The following POTEJ variants were observed in gnomAD, a reference collection of about 807,000 sequenced individuals.
POTEJ encodes POTE ankyrin domain family, member J.
Under a neutral mutation model 69.0 loss-of-function variants are expected in POTEJ, and 11 were observed. That is an observed-to-expected ratio of 0.16 (90% CI 0.10 to 0.26). The LOEUF (loss-of-function observed/expected upper bound fraction) is 0.26. Ranked by LOEUF, POTEJ falls within the 10% of genes least tolerant of loss-of-function variation. The pLI, the probability that POTEJ is intolerant of heterozygous loss-of-function variation, is 1.00. For synonymous variants in POTEJ, 117 were observed against 381.1 expected, an observed-to-expected ratio of 0.31 and a Z score of 8.07; for missense variants, 327 against 1,045.5, an observed-to-expected ratio of 0.31 and a Z score of 9.48.
chr2:130,612,355 A>G (rs1319464498), intron 1 of POTEJ, among the ~76,000 whole-genome samples: 9 of 150,748 alleles, frequency 6.0e-5, no homozygotes, highest in Non-Finnish European at 1.2e-4. Flanking sequence ...AAAATCCAGT[A>G]TGGATTTTAT....
At position 130,613,871 on chromosome 2, in the gene POTEJ, A is replaced by G. The variant is rs1343162396; in HGVS notation, c.410+1929A>G. ...GCTTTCTATTTAAGTTAGAAGAGGA[A>G]TGAAAGGCCGGGTGCAGTGGCTTAC... On this transcript the variant is annotated intron_variant, in intron 1 of 14. Coordinates refer to ENST00000409602, the MANE Select transcript of POTEJ (RefSeq NM_001277083.2). 3.9e-5 allele frequency among the ~76,000 whole-genome samples: 5 copies of G among 129,806 alleles called. No individual in the cohort carries two copies. The East Asian group carries it at 1.0e-3, about 26-fold the overall frequency. 85.2% of individuals were successfully genotyped at this position (129,806 alleles called of 152,430 possible).
intron 1 of POTEJ, among the ~76,000 whole-genome samples, chr2:130,613,436 C>G (rs958556783): frequency 7.0e-6 from 1 of 142,226 alleles, no homozygotes; most frequent in Middle Eastern, 3.6e-3. Flanking sequence ...GAGTCTCACT[C>G]TGTAGCCCAA....
At chr2:130,628,505 G>GAAATT in intron 6 of POTEJ, among the ~76,000 whole-genome samples, 1 of 99,834 alleles carries the variant, frequency 1.0e-5, no homozygotes, top group East Asian at 2.3e-4. Flanking sequence ...GACTCAATAA[G>GAAATT]AAATTTCTGA....
Position 130,657,527 on chromosome 2 carries a change from G to T in POTEJ, c.2767G>T (p.Ala923Ser), listed in dbSNP as rs760699246. The change falls in exon 15 of 15, where the codon GCG (alanine) becomes TCG (serine). Residue 923 changes from alanine to serine, a missense_variant. By Grantham distance (99) the Ala-to-Ser change is moderately conservative (BLOSUM62 1). Coordinates refer to ENST00000409602, the MANE Select transcript of POTEJ (RefSeq NM_001277083.2). ...CAACGAGTGGTTCCGCTGCCCCGAG[G>T]CGCTCTTCCAGCCTTGCTTCCTGGG... ...ISNEWFRCPE[A>S]LFQPCFLGME... 10 of 1,566,908 alleles carry T rather than the reference G, an allele frequency of 6.4e-6. No homozygotes were observed. The South Asian group carries it at 7.7e-5, about 12-fold the overall frequency.
At chr2:130,649,963 C>A (rs1337831698) in intron 13 of POTEJ, among the ~76,000 whole-genome samples, 1 of 152,138 alleles carries the variant, frequency 6.6e-6, no homozygotes, top group Non-Finnish European at 1.5e-5. Context: ...TGAGGGAGAA[C>A]CATGTACCAG....
chr2:130,613,008 A>G (rs1282655514), intron 1 of POTEJ, among the ~76,000 whole-genome samples: 1 of 136,194 alleles, frequency 7.3e-6, no homozygotes, highest in East Asian at 2.0e-4. Flanking sequence ...ATAGAACAGA[A>G]TAGGAAATTT....
chr2:130,623,646 A>T lies in POTEJ; in HGVS notation c.945-418A>T, dbSNP rs553042324. ...CTTTACTATTTCTCTGAGCATTTAA[A>T]AAATGTTATCTCGTTAAATCTTTAT... On this transcript the variant is annotated intron_variant, in intron 5 of 14. Coordinates refer to ENST00000409602, the MANE Select transcript of POTEJ (RefSeq NM_001277083.2). 3.0e-4 allele frequency among the ~76,000 whole-genome samples: 36 copies of T among 121,964 alleles called. 2 individuals are homozygous for T. Among genetic ancestry groups the T allele is most frequent in the Admixed American group, 1.5e-3 (18 of 12,362 alleles). 80.0% of individuals were successfully genotyped at this position (121,964 alleles called of 152,430 possible).
At chr2:130,644,438 C>G (rs1339744659) in intron 11 of POTEJ, among the ~76,000 whole-genome samples, 1 of 152,002 alleles carries the variant, frequency 6.6e-6, no homozygotes, top group Admixed American at 6.6e-5. Context: ...CACTACACTC[C>G]AGCCTGGGTG....
At chr2:130,650,276 G>A (rs1215320351) in intron 13 of POTEJ, among the ~76,000 whole-genome samples, 1 of 152,266 alleles carries the variant, frequency 6.6e-6, no homozygotes, top group Non-Finnish European at 1.5e-5. Context: ...TTCTCAGCAG[G>A]GACTTTTCTG....
chr2:130,611,773 G>A lies in POTEJ; in HGVS notation c.241G>A (p.Gly81Ser), dbSNP rs763302191. 2.0e-6 allele frequency: 3 copies of A among 1,472,002 alleles called. No individual in the cohort carries two copies. Among genetic ancestry groups the A allele is most frequent in the Admixed American group, 1.7e-5 (1 of 58,450 alleles). The allele number at this position is 1,472,002 out of a possible 1,614,324, so 91.2% of individuals were successfully genotyped here. A position where few individuals can be genotyped will look rare whatever the true frequency, so the allele number is the denominator to read the frequency against. The change falls in exon 1 of 15, where the codon GGT (glycine) becomes AGT (serine). Residue 81 changes from glycine (G) to serine (S), a missense_variant. By Grantham distance (56) the Gly-to-Ser change is moderately conservative. Coordinates refer to ENST00000409602, the MANE Select transcript of POTEJ (RefSeq NM_001277083.2). The part of the protein sequence containing the change: ...CCRGSGKSNV[G>S]AWGDYDDSAF... Reference sequence around the variant, plus strand: ...CAGGGGGAGCGGCAAGAGCAACGTGGGTGCTTGGGGAGACTACGACGACAG... The same window carrying A: ...CAGGGGGAGCGGCAAGAGCAACGTGAGTGCTTGGGGAGACTACGACGACAG...
rs536273711 is a variant in POTEJ, at chr2:130,637,807, G to A, written c.1299-812G>A. 8.7e-3 allele frequency among the ~76,000 whole-genome samples: 1,313 copies of A among 151,326 alleles called. 5 individuals carry two copies. Among genetic ancestry groups the A allele is most frequent in the African/African-American group, 0.03 (1,226 of 40,866 alleles). On this transcript the variant is annotated intron_variant, in intron 9 of 14. Coordinates refer to ENST00000409602, the MANE Select transcript of POTEJ (RefSeq NM_001277083.2). ...ATGAACATGTATATAAAGCATCATC[G>A]TAACAAACATCTGGCTGAGAGTTTG...
chr2:130,622,852 G>A (rs1339501446), intron 5 of POTEJ: 6 of 151,128 alleles, frequency 4.0e-5, no homozygotes, highest in South Asian at 2.1e-4. Flanking sequence ...TTGCTTCGGC[G>A]GCACATATCC....
At chr2:130,636,205 A>G (rs1270485273) in intron 9 of POTEJ, among the ~76,000 whole-genome samples, 13 of 151,972 alleles carry the variant, frequency 8.6e-5, no homozygotes, top group East Asian at 3.9e-4. Flanking sequence ...ATTTAAAACC[A>G]CCTTTCTAAG....
intron 1 of POTEJ, among the ~76,000 whole-genome samples, chr2:130,614,629 G>T (rs551186187): frequency 1.4e-5 from 2 of 140,200 alleles, no homozygotes; most frequent in East Asian, 3.9e-4. Context: ...GATCAAACTT[G>T]TTTCTGGGGA....
Position 130,633,151 on chromosome 2 carries a change from C to T in POTEJ, c.1298+495C>T, listed in dbSNP as rs1410334566. ...GTAAGAATATGTGGCATTTGATTTT[C>T]TGTTCCTGCATTAGTTTGCTTAGGA... is the stretch of plus-strand genomic sequence containing the variant. On this transcript the variant is annotated intron_variant, in intron 9 of 14. Coordinates refer to ENST00000409602, the MANE Select transcript of POTEJ (RefSeq NM_001277083.2). Among the ~76,000 whole-genome samples, 9 of 142,578 alleles carry T rather than the reference C, an allele frequency of 6.3e-5. No homozygotes were observed. In the East Asian group the frequency reaches 1.7e-3, roughly 27 times the overall value. 93.5% of individuals were successfully genotyped at this position (142,578 alleles called of 152,430 possible).
In POTEJ at chr2:130,656,814, C is replaced by A. The variant is rs770279792; in HGVS notation, c.2054C>A (p.Ala685Glu). 295 of 1,608,560 alleles carry A rather than the reference C, an allele frequency of 1.8e-4. No homozygotes were observed. Among genetic ancestry groups the A allele is most frequent in the Non-Finnish European group, 2.4e-4 (279 of 1,178,914 alleles). The change falls in exon 15 of 15, where the codon GCG becomes GAG. Residue 685 changes from alanine (A) to glutamate (E), a missense_variant. By Grantham distance (107) the Ala-to-Glu change is moderately radical. Coordinates refer to ENST00000409602, the MANE Select transcript of POTEJ (RefSeq NM_001277083.2). Reference sequence around the variant, plus strand: ...TCTGGCATGTGCAAGGCCGGCTTTGCGGGCGACGATGCCCCCCGGGCTGTC... The same window carrying A: ...TCTGGCATGTGCAAGGCCGGCTTTGAGGGCGACGATGCCCCCCGGGCTGTC... ...NGSGMCKAGF[A>E]GDDAPRAVFP...
intron 6 of POTEJ, among the ~76,000 whole-genome samples, chr2:130,629,035 G>A (rs571842502): frequency 1.3e-5 from 2 of 152,130 alleles, no homozygotes; most frequent in Non-Finnish European, 2.9e-5. Flanking sequence ...AAAAAAGAAA[G>A]AAAAATGAAA....
chr2:130,654,748 C>T, intron 13 of POTEJ, among the ~76,000 whole-genome samples, 173 bp from the exon 14 acceptor site: 1 of 144,178 alleles, frequency 6.9e-6, no homozygotes, highest in Non-Finnish European at 1.5e-5. Flanking sequence ...AAACCAGTCC[C>T]TGGTGCCAGC....
rs1171277154 is a variant in POTEJ at position 130,648,810 on chromosome 2, T to A, written c.1667+2500T>A. 1.1e-4 allele frequency among the ~76,000 whole-genome samples: 8 copies of A among 72,026 alleles called. No individual in the cohort carries two copies. The South Asian group carries it at 4.1e-3, about 37-fold the overall frequency. 47.3% of individuals were successfully genotyped at this position (72,026 alleles called of 152,430 possible). A position where few individuals can be genotyped will look rare whatever the true frequency, so the allele number is the denominator to read the frequency against. ...TTTTTTTTTTTTTTTTTTTTTTTTT[T>A]AAGACAGAGTCTCGCTTTGTCCCCC... On this transcript the variant is annotated intron_variant, in intron 13 of 14. Transcript: ENST00000409602.
Sources: allele counts gnomAD v4.1 joint callset (sites outside exome capture counted in the v4.1 genomes callset), GRCh38; gene constraint gnomAD v4.1.1; transcripts MANE v1.5; gene names NCBI Gene and HGNC (gene_info 2026-07-23, HGNC 2026-07-21).